The following CDH23 variants were observed in gnomAD, a reference collection of about 807,000 sequenced individuals.
The protein encoded by CDH23 is cadherin-23.
A neutral mutation model predicts 317.1 loss-of-function variants in CDH23; 189 were observed. That is an observed-to-expected ratio of 0.60 (90% CI 0.53 to 0.67). CDH23 has a LOEUF of 0.67. Ranked by LOEUF, CDH23 falls within the 30% of genes least tolerant of loss-of-function variation. The pLI, the probability that CDH23 is intolerant of heterozygous loss-of-function variation, is 0.00. For missense variants in CDH23, 4,401 were observed against 4,592.4 expected, an observed-to-expected ratio of 0.96 and a Z score of 1.20; for synonymous variants, 1,839 against 1,876.8, an observed-to-expected ratio of 0.98 and a Z score of 0.52.
chr10:71,397,179 C>T lies in CDH23; in HGVS notation c.-145C>T. On this transcript the variant is annotated 5_prime_UTR_variant, in exon 1 of 70. Coordinates refer to ENST00000224721, the MANE Select transcript of CDH23 (RefSeq NM_022124.6). The surrounding 1 kb of genome is among the most constrained non-coding windows in gnomAD (Gnocchi z 4.8). ...CCCGCGGAGACCCAGGAGCTGCCGG[C>T]ACGCCGCGGATGAGCCTTCGCGCCG... is the stretch of plus-strand genomic sequence containing the variant. 1 of 237,546 alleles carries T rather than the reference C, an allele frequency of 4.2e-6. No homozygotes were observed. Among genetic ancestry groups the T allele is most frequent in the Non-Finnish European group, 8.4e-6 (1 of 118,932 alleles). 14.7% of individuals were successfully genotyped at this position (237,546 alleles called of 1,614,324 possible).
Position 71,550,587 on chromosome 10 carries a change from A to AAAAG in CDH23, c.430-16139_430-16136dup, listed in dbSNP as rs1313315240. Among the ~76,000 whole-genome samples the AAAAG allele has an allele frequency of 1.8e-4, 27 of 151,450 alleles. No individual in the cohort carries two copies. The East Asian group carries it at 3.3e-3, about 18-fold the overall frequency. The stretch of plus-strand genomic sequence containing the variant: ...AAAAAAAAAAAAAAAAGAAAAAAGA[A>AAAAG]AAAGAAAGAAAGAAAGAAAAGGAAA... On this transcript the variant is annotated intron_variant, in intron 6 of 69. Transcript: ENST00000224721.
intron 34 of CDH23, chr10:71,737,655 G>T (rs904899394): frequency 3.2e-5 from 15 of 466,406 alleles, no homozygotes; most frequent in Non-Finnish European, 6.6e-5. Flanking sequence ...GTGGGAGAAG[G>T]CCTGTCCTGG....
intron 1 of CDH23, among the ~76,000 whole-genome samples, chr10:71,425,371 A>AGAAGGAAGGAAGGAAGGACGGAAG: frequency 1.2e-5 from 1 of 82,496 alleles, no homozygotes; most frequent in Non-Finnish European, 2.5e-5. Flanking sequence ...AAGAGAGAGG[A>AGAAGGAAGGAAGGAAGGACGGAAG]GAAGGAAGGA....
chr10:71,424,823 T>A (rs1848982130), intron 1 of CDH23, among the ~76,000 whole-genome samples: 1 of 152,008 alleles, frequency 6.6e-6, no homozygotes, highest in Non-Finnish European at 1.5e-5. Flanking sequence ...GCAGCATGAG[T>A]CACATCTCAG....
chr10:71,629,007 C>T (rs1440833337), intron 11 of CDH23, among the ~76,000 whole-genome samples: 2 of 152,150 alleles, frequency 1.3e-5, no homozygotes, highest in African/African-American at 4.8e-5. Flanking sequence ...TGGTGGCTAG[C>T]GAAGCACACA....
chr10:71,482,171 C>T (rs1328689603), intron 3 of CDH23, among the ~76,000 whole-genome samples: 1 of 152,192 alleles, frequency 6.6e-6, no homozygotes, highest in Non-Finnish European at 1.5e-5. Context: ...CCCCCACCTT[C>T]CTTCCTCCTT....
At chr10:71,562,950 C>A (rs1021027509) in intron 6 of CDH23, among the ~76,000 whole-genome samples, 16 of 152,170 alleles carry the variant, frequency 1.1e-4, no homozygotes, top group Admixed American at 8.5e-4. Flanking sequence ...GATTTAATTT[C>A]TCAGGCCCCA....
intron 47 of CDH23, among the ~76,000 whole-genome samples, chr10:71,791,794 G>A (rs1010758713): frequency 6.6e-6 from 1 of 151,682 alleles, no homozygotes; most frequent in African/African-American, 2.4e-5. Context: ...CAGGCTGGTC[G>A]CAAACTCCTG....
intron 6 of CDH23, among the ~76,000 whole-genome samples, chr10:71,515,080 G>A (rs1373547523): frequency 1.3e-5 from 2 of 152,210 alleles, no homozygotes; most frequent in African/African-American, 4.8e-5. Context: ...TGGTGCTGGG[G>A]TGTTTAGGCA....
intron 2 of CDH23, among the ~76,000 whole-genome samples, chr10:71,444,464 G>A (rs1850060833): frequency 6.6e-6 from 1 of 152,238 alleles, no homozygotes; most frequent in South Asian, 2.1e-4. Context: ...GGGTGCATGT[G>A]AGTATTTGGG....
intron 10 of CDH23, 74 bp downstream of exon 10, chr10:71,615,690 C>A: frequency 9.5e-7 from 1 of 1,049,830 alleles, no homozygotes; most frequent in Non-Finnish European, 1.4e-6. Context: ...CCAGCAGTGT[C>A]CGAGGGCTCC....
chr10:71,784,295 G>A lies in CDH23; in HGVS notation c.5377G>A (p.Val1793Met). The change falls in exon 42 of 70, where the codon GTG (valine) becomes ATG (methionine). Residue 1793 changes from valine to methionine, a missense_variant. Transcript: ENST00000224721. ...CTCCTGGTGACACCCAGGGGAGTTT[G>A]TGATCTCTCCTGTGGAGGGGGTGCT... Reference protein sequence around the residue: ...IMDGDPLGEFVISPVEGVLRV... With the variant: ...IMDGDPLGEFMISPVEGVLRV... 6.2e-7 allele frequency: 1 copy of A among 1,613,362 alleles called. No individual in the cohort carries two copies. Among genetic ancestry groups the A allele is most frequent in the South Asian group, 1.1e-5 (1 of 91,012 alleles).
At chr10:71,794,717 C>T (rs749264494) in intron 48 of CDH23, 6 of 152,238 alleles carry the variant, frequency 3.9e-5, no homozygotes, top group African/African-American at 7.2e-5. Flanking sequence ...CATGGAAACC[C>T]TCATGCACTG....
chr10:71,777,954 G>A, intron 39 of CDH23, 53 bp downstream of exon 39: 1 of 1,588,918 alleles, frequency 6.3e-7, no homozygotes. Flanking sequence ...TCCAGGGATT[G>A]GCAAGGAGTT....
chr10:71,418,146 T>C (rs1278951022), intron 1 of CDH23, among the ~76,000 whole-genome samples: 1 of 152,242 alleles, frequency 6.6e-6, no homozygotes, highest in Non-Finnish European at 1.5e-5. Context: ...TATTTGATAA[T>C]CTAGTAACTG....
In CDH23 at chr10:71,790,351, C is replaced by T. The variant is rs1841214122; in HGVS notation, c.5987C>T (p.Ala1996Val). 5 of 1,613,704 alleles carry T rather than the reference C, an allele frequency of 3.1e-6. No individual in the cohort carries two copies. The highest frequency in any genetic ancestry group is 4.2e-6 in the Non-Finnish European group (5 of 1,179,862). The part of the protein sequence containing the change: ...LALDADQDIY[A>V]VVTYQLLGAQ... ...CTGGATGCAGACCAAGACATCTACGCCGTGGTGACCTACCAGCTGCTGGGT... is the reference window on the plus strand; with the variant it reads ...CTGGATGCAGACCAAGACATCTACGTCGTGGTGACCTACCAGCTGCTGGGT... The change falls in exon 46 of 70, where the codon GCC (alanine) becomes GTC (valine). Residue 1996 changes from alanine to valine, a missense_variant. Coordinates refer to ENST00000224721, the MANE Select transcript of CDH23 (RefSeq NM_022124.6).
intron 3 of CDH23, among the ~76,000 whole-genome samples, chr10:71,458,327 T>C (rs560931886): frequency 6.6e-6 from 1 of 152,336 alleles, no homozygotes; most frequent in East Asian, 1.9e-4. Context: ...GTGCCTTCCC[T>C]TCCTCCTTTC....
chr10:71,422,222 A>ATCATC lies in CDH23; in HGVS notation c.-5-17603_-5-17599dup, dbSNP rs3059645. Among the ~76,000 whole-genome samples, 973 of 152,328 alleles carry ATCATC rather than the reference A, an allele frequency of 6.4e-3. 15 individuals carry two copies. The highest frequency in any genetic ancestry group is 5.6e-3 in the Non-Finnish European group (384 of 68,028). ...GCACTGGATTGGGTGTCAAGGAACC[A>ATCATC]TCATCTTGAAATCACTGGTTCTGGT... On this transcript the variant is annotated intron_variant, in intron 1 of 69. Coordinates refer to ENST00000224721, the MANE Select transcript of CDH23 (RefSeq NM_022124.6).
At chr10:71,653,000 G>A (rs4747180) in intron 14 of CDH23, among the ~76,000 whole-genome samples, 25,947 of 151,832 alleles carry the variant, frequency 0.17, 2,637 homozygotes, top group East Asian at 0.35. Flanking sequence ...ACCCTGCAAG[G>A]GTCCCCACCC....
Sources: allele counts gnomAD v4.1 joint callset (sites outside exome capture counted in the v4.1 genomes callset), GRCh38; gene constraint gnomAD v4.1.1; non-coding constraint Gnocchi (gnomAD v3.1); transcripts MANE v1.5; gene names NCBI Gene and HGNC (gene_info 2026-07-23, HGNC 2026-07-21).